Variants in SLC24A1 observed in about 807,000 individuals in gnomAD.
SLC24A1 encodes the protein sodium/potassium/calcium exchanger 1.
A neutral mutation model predicts 88.1 loss-of-function variants in SLC24A1; 52 were observed. The observed-to-expected ratio is 0.59, with a 90% CI of 0.47 to 0.74. The LOEUF is 0.74. Among genes scored for constraint, SLC24A1 ranks in the 30% least tolerant of loss-of-function variants. The pLI is 0.00. For missense variants in SLC24A1, 1,173 were observed against 1,363.3 expected (o/e 0.86, Z 2.20); for synonymous variants, 455 against 498.0 (o/e 0.91, Z 1.15).
chr15:65,624,345 A>T lies in SLC24A1; in HGVS notation c.265A>T (p.Lys89Ter). The T allele has an allele frequency of 6.2e-7, 1 of 1,613,752 alleles. No individual in the cohort carries two copies. The highest frequency in any genetic ancestry group is 8.5e-7 in the Non-Finnish European group (1 of 1,179,786). ...PSKPSSEMGG[K>*]MLVPQASVGS... ...AAAACCTAGCTCCGAAATGGGGGGT[A>T]AGATGCTGGTACCCCAAGCCTCAGT... The change falls in exon 2 of 10, where the codon AAG (lysine) becomes TAG (stop). Residue 89 changes from lysine to a stop codon, truncating the protein, a stop_gained. Coordinates refer to ENST00000261892, the MANE Select transcript of SLC24A1 (RefSeq NM_004727.3). LOFTEE classifies it high-confidence loss of function.
chr15:65,635,668 T>G lies in SLC24A1; in HGVS notation c.1891-2460T>G, dbSNP rs72740748. Among the ~76,000 whole-genome samples the G allele has an allele frequency of 4.8e-4, 73 of 152,066 alleles. 1 individual carries two copies. The highest frequency in any genetic ancestry group is 1.7e-3 in the African/African-American group (71 of 41,462). ...GGTTATTTATACTCTGTTTCATTCATTTTTATGTTCATTCATTCATTTAGC... is the reference window on the plus strand; with the variant it reads ...GGTTATTTATACTCTGTTTCATTCAGTTTTATGTTCATTCATTCATTTAGC... On this transcript the variant is annotated intron_variant, in intron 2 of 9. Coordinates refer to ENST00000261892, the MANE Select transcript of SLC24A1 (RefSeq NM_004727.3).
At chr15:65,622,304 G>A (rs781373552) in intron 1 of SLC24A1, among the ~76,000 whole-genome samples, 2 of 152,048 alleles carry the variant, frequency 1.3e-5, no homozygotes, top group Non-Finnish European at 2.9e-5. Context: ...AAAGAAGGAA[G>A]TTCACTTATT....
intron 2 of SLC24A1, among the ~76,000 whole-genome samples, chr15:65,614,136 G>A (rs868771869): frequency 1.9e-4 from 29 of 152,062 alleles, no homozygotes; most frequent in Middle Eastern, 3.2e-3. Context: ...AGGGAGATTA[G>A]GATAATAAAT....
At chr15:65,628,732 CCT>C (rs923930315) in intron 2 of SLC24A1, among the ~76,000 whole-genome samples, 23 of 152,130 alleles carry the variant, frequency 1.5e-4, no homozygotes, top group African/African-American at 5.6e-4. Context: ...TTCCTGTTTC[CCT>C]GGGCAAGTCA....
At chr15:65,628,496 CAG>C (rs1378761533) in intron 2 of SLC24A1, among the ~76,000 whole-genome samples, 3 of 152,194 alleles carry the variant, frequency 2.0e-5, no homozygotes, top group African/African-American at 4.8e-5. Flanking sequence ...ACAAAGGAGT[CAG>C]GGGTTGAGAA....
chr15:65,619,728 G>A (rs951773150), upstream of SLC24A1, among the ~76,000 whole-genome samples: 5 of 152,070 alleles, frequency 3.3e-5, no homozygotes, highest in Non-Finnish European at 7.4e-5. Flanking sequence ...AGTTAGGAAA[G>A]GCCTAGAGCT....
upstream of SLC24A1, chr15:65,618,792 G>A (rs777380026): frequency 6.6e-6 from 1 of 152,216 alleles, no homozygotes; most frequent in East Asian, 1.9e-4. Flanking sequence ...TTACTTTGAC[G>A]GGTGTTGTGA....
chr15:65,639,910 G>C (rs758856589), intron 4 of SLC24A1, among the ~76,000 whole-genome samples: 4 of 152,160 alleles, frequency 2.6e-5, no homozygotes, highest in Non-Finnish European at 5.9e-5. Context: ...GGGCAACAAA[G>C]AACATGGAGG....
chr15:65,623,976 G>C lies in SLC24A1; in HGVS notation c.-105G>C. The stretch of plus-strand genomic sequence containing the variant: ...CTAGGGTTGTGGATACCCCCTGGCT[G>C]GGCTTCATGGAGAAATCTTCTCTGA... On this transcript the variant is annotated 5_prime_UTR_variant, in exon 2 of 10. Transcript: ENST00000261892. The C allele has an allele frequency of 9.7e-7, 1 of 1,029,190 alleles. No homozygotes were observed. The highest frequency in any genetic ancestry group is 2.3e-5 in the Admixed American group (1 of 42,754). 63.8% of individuals were successfully genotyped at this position (1,029,190 alleles called of 1,614,324 possible).
chr15:65,624,765 T>C lies in SLC24A1; in HGVS notation c.685T>C (p.Tyr229His). 1.2e-6 allele frequency: 2 copies of C among 1,613,810 alleles called. No homozygotes were observed. Among genetic ancestry groups the C allele is most frequent in the Non-Finnish European group, 1.7e-6 (2 of 1,179,800 alleles). Reference sequence around the variant, plus strand: ...GAAAGACAGTGACATTACAGCAACCTATAAAATACTCGAAACCAACTCTCT... The same window carrying C: ...GAAAGACAGTGACATTACAGCAACCCATAAAATACTCGAAACCAACTCTCT... ...TVKDSDITAT[Y>H]KILETNSLKR... Residue 229 changes from tyrosine to histidine, a missense_variant, in exon 2 of 10, where the codon TAT becomes CAT. Physicochemically the swap from Tyr to His is moderately conservative, Grantham distance 83 (BLOSUM62 2). Transcript: ENST00000261892.
At chr15:65,648,327 T>G (rs1228201965) in intron 6 of SLC24A1, among the ~76,000 whole-genome samples, 1 of 152,166 alleles carries the variant, frequency 6.6e-6, no homozygotes, top group Non-Finnish European at 1.5e-5. Flanking sequence ...CAACATCCTT[T>G]GGGGGTTGCC....
In SLC24A1 at chr15:65,625,898, C is replaced by T. The variant is rs368241269; in HGVS notation, c.1818C>T (p.Ile606=). 3.0e-5 allele frequency: 48 copies of T among 1,613,962 alleles called. No homozygotes were observed. The East Asian group carries it at 7.6e-4, about 25-fold the overall frequency. The change falls in exon 2 of 10, where the codon ATC becomes ATT. Residue 606 remains isoleucine, a synonymous_variant. Transcript: ENST00000261892. The stretch of plus-strand genomic sequence containing the variant: ...TCACCATGAAGTGGAACAAGCATAT[C>T]GAGGTCTGGGTGAAGGAGCAGCTCA... ...YVFTMKWNKH[I]EVWVKEQLSR...
intron 2 of SLC24A1, among the ~76,000 whole-genome samples, chr15:65,634,348 C>T (rs2074832356): frequency 6.6e-6 from 1 of 152,142 alleles, no homozygotes; most frequent in African/African-American, 2.4e-5. Context: ...GGTTTGCCAC[C>T]TGAAGTTCCT....
In SLC24A1 at chr15:65,653,990, G is replaced by C; in HGVS notation, c.3211G>C (p.Gly1071Arg). ...TAAATGGAGAATGAACAAGATCCTG[G>C]GCTTCACAATGTTCCTCCTTTACTT... ...SCKWRMNKIL[G>R]FTMFLLYFVF... The change falls in exon 10 of 10, where the codon GGC (glycine) becomes CGC (arginine). Residue 1071 changes from glycine to arginine, a missense_variant. By Grantham distance (125) the Gly-to-Arg change is moderately radical (BLOSUM62 -2). Transcript: ENST00000261892. 6.2e-7 allele frequency: 1 copy of C among 1,613,834 alleles called. No homozygotes were observed. The highest frequency in any genetic ancestry group is 1.1e-5 in the South Asian group (1 of 91,076).
chr15:65,652,427 C>G (rs2141724107), intron 8 of SLC24A1: 1 of 494,932 alleles, frequency 2.0e-6, no homozygotes, highest in East Asian at 3.3e-5. Context: ...AAAAGAAGAG[C>G]AACATGGTCC....
intron 8 of SLC24A1, 115 bp downstream of exon 8, chr15:65,651,874 C>T: frequency 1.4e-6 from 1 of 704,934 alleles, no homozygotes. Context: ...CGTGCAGTTT[C>T]TATGTTGTTT....
chr15:65,650,319 A>C lies in SLC24A1; in HGVS notation c.2233-63A>C, dbSNP rs62014377. On this transcript the variant is annotated intron_variant, in intron 6 of 9. Coordinates refer to ENST00000261892, the MANE Select transcript of SLC24A1 (RefSeq NM_004727.3). This position sits in a 1 kb window ranked among gnomAD's most constrained non-coding sequence, Gnocchi z 4.1. ...AAGCACGCCAACAAAAAAATGGGGG[A>C]GTAACATAAGGAAAACAAGCAGAGC... 79,729 of 1,349,112 alleles carry C rather than the reference A, an allele frequency of 0.059. 2,643 individuals carry two copies. The highest frequency in any genetic ancestry group is 0.097 in the African/African-American group (6,572 of 67,766). The allele number at this position is 1,349,112 out of a possible 1,614,324, so 83.6% of individuals were successfully genotyped here.
intron 8 of SLC24A1, 98 bp from the exon 9 acceptor site, chr15:65,652,544 C>A: frequency 1.8e-6 from 2 of 1,108,500 alleles, no homozygotes; most frequent in Non-Finnish European, 2.6e-6. Context: ...TGTGGCTGAG[C>A]TCCTTAGAAG....
At chr15:65,639,215 G>A (rs934116274) in intron 3 of SLC24A1, among the ~76,000 whole-genome samples, 1 of 152,210 alleles carries the variant, frequency 6.6e-6, no homozygotes, top group Non-Finnish European at 1.5e-5. Flanking sequence ...GCTCTTTGTG[G>A]ACTGTAAAGG....
Sources: allele counts gnomAD v4.1 joint callset (sites outside exome capture counted in the v4.1 genomes callset), GRCh38; gene constraint gnomAD v4.1.1; non-coding constraint Gnocchi (gnomAD v3.1); transcripts MANE v1.5; gene names NCBI Gene and HGNC (gene_info 2026-07-23, HGNC 2026-07-21).